Variants in EGF observed in about 807,000 individuals in gnomAD.
EGF encodes the protein pro-epidermal growth factor.
Under a neutral mutation model 143.8 loss-of-function variants are expected in EGF, and 95 were observed. The ratio of observed to expected loss-of-function variants is 0.66; its 90% CI spans 0.56 to 0.78. EGF has a LOEUF of 0.78. Ranked by LOEUF, EGF falls within the 30% of genes least tolerant of loss-of-function variation. The pLI is 0.00. For synonymous variants in EGF, 510 were observed against 510.5 expected, an observed-to-expected ratio of 1.00 and a Z score of 0.01; for missense variants, 1,320 against 1,470.9, an observed-to-expected ratio of 0.90 and a Z score of 1.68.
rs149835886 is a variant in EGF at position 109,913,258 on chromosome 4, A to G, written c.-78A>G. 137 of 1,593,266 alleles carry G rather than the reference A, an allele frequency of 8.6e-5. 1 individual carries two copies. In the East Asian group the frequency reaches 3.1e-3, roughly 36 times the overall value. The stretch of plus-strand genomic sequence containing the variant: ...CGCTCAGGCAGCCGCATCTGGGGTC[A>G]ATCATACTCACCTTGCCCGGGCCAT... On this transcript the variant is annotated 5_prime_UTR_variant, in exon 1 of 24. Coordinates refer to ENST00000265171, the MANE Select transcript of EGF (RefSeq NM_001963.6).
intron 22 of EGF, among the ~76,000 whole-genome samples, chr4:110,005,198 G>A (rs960666361): frequency 6.6e-6 from 1 of 150,842 alleles, no homozygotes; most frequent in Non-Finnish European, 1.5e-5. Flanking sequence ...GGCACACACC[G>A]CCACGCCCAG....
chr4:109,995,646 A>G (rs1560756740), intron 20 of EGF, among the ~76,000 whole-genome samples: 2 of 152,238 alleles, frequency 1.3e-5, no homozygotes, highest in Non-Finnish European at 2.9e-5. Context: ...TCAAGGCAAT[A>G]GGAGGAAACT....
chr4:110,003,910 G>C (rs1248073596), intron 21 of EGF, among the ~76,000 whole-genome samples: 1 of 152,128 alleles, frequency 6.6e-6, no homozygotes, highest in Non-Finnish European at 1.5e-5. Context: ...AGTAAGAGCA[G>C]CCTAGGCTTT....
At chr4:109,999,235 T>C (rs1412246198) in intron 20 of EGF, among the ~76,000 whole-genome samples, 1 of 152,224 alleles carries the variant, frequency 6.6e-6, no homozygotes, top group Non-Finnish European at 1.5e-5. Flanking sequence ...TCTTCTTTTA[T>C]AGCCTGGTTT....
intron 8 of EGF, 41 bp from the exon 9 acceptor site, chr4:109,963,132 T>C (rs1264023060): frequency 1.2e-6 from 2 of 1,611,654 alleles, no homozygotes; most frequent in South Asian, 2.2e-5. Context: ...TAATTATATT[T>C]TGGATGACGT....
intron 21 of EGF, among the ~76,000 whole-genome samples, chr4:110,003,829 C>T (rs1252615800): frequency 4.6e-5 from 7 of 151,870 alleles, no homozygotes; most frequent in Non-Finnish European, 1.0e-4. Flanking sequence ...ATGAGATTTT[C>T]TTATCTTGGG....
At chr4:109,929,242 T>C (rs1560638255) in intron 1 of EGF, among the ~76,000 whole-genome samples, 1 of 152,160 alleles carries the variant, frequency 6.6e-6, no homozygotes, top group African/African-American at 2.4e-5. Context: ...AAGGCATAGC[T>C]TTGTACCCCT....
intron 1 of EGF, chr4:109,940,722 A>G: frequency 1.9e-6 from 1 of 520,314 alleles, no homozygotes; most frequent in Admixed American, 3.3e-5. Context: ...TTCATAATTT[A>G]CCAATGTTCA....
chr4:109,966,085 A>C (rs1292636309), intron 10 of EGF, among the ~76,000 whole-genome samples: 1 of 151,956 alleles, frequency 6.6e-6, no homozygotes, highest in East Asian at 1.9e-4. Context: ...TAGGGGTACA[A>C]GTACAGTTGT....
chr4:109,945,299 A>G (rs771238363), intron 5 of EGF, 24 bp downstream of exon 5: 3 of 1,605,024 alleles, frequency 1.9e-6, no homozygotes, highest in Admixed American at 1.7e-5. Context: ...GACCTTGCGC[A>G]GGGCCTGACA....
intron 10 of EGF, among the ~76,000 whole-genome samples, chr4:109,968,260 T>C (rs1035317658): frequency 2.0e-5 from 3 of 152,124 alleles, no homozygotes; most frequent in African/African-American, 7.2e-5. Flanking sequence ...CTTTAGCAAA[T>C]ACCTAGTCTA....
intron 1 of EGF, among the ~76,000 whole-genome samples, chr4:109,916,146 G>T (rs945008145): frequency 4.6e-5 from 7 of 152,112 alleles, no homozygotes; most frequent in African/African-American, 7.2e-5. Context: ...GGGATCCTGG[G>T]GTGGCACTAA....
Position 110,004,552 on chromosome 4 carries a change from C to T in EGF, c.3221C>T (p.Ser1074Leu), listed in dbSNP as rs555315528. The part of the protein sequence containing the change: ...SKNPKNPYEE[S>L]SRDVRSRRPA... ...AACCCAAAGAATCCTTATGAGGAGT[C>T]GAGCAGAGATGTGAGGAGTCGCAGG... The change falls in exon 22 of 24, where the codon TCG (serine) becomes TTG (leucine). Residue 1074 changes from serine to leucine, a missense_variant. This residue lies in a region of EGF where 1,186 missense variants were observed against 1,313.7 expected (regional missense o/e 0.90). Transcript: ENST00000265171. The T allele has an allele frequency of 2.9e-5, 47 of 1,614,030 alleles. No homozygotes were observed. Among genetic ancestry groups the T allele is most frequent in the East Asian group, 1.6e-4 (7 of 44,890 alleles).
At chr4:109,960,425 A>G (rs1381423172) in intron 6 of EGF, among the ~76,000 whole-genome samples, 2 of 152,210 alleles carry the variant, frequency 1.3e-5, no homozygotes, top group Non-Finnish European at 2.9e-5. Context: ...CGGGCAGATC[A>G]CTTGAGTCCC....
chr4:109,975,743 A>G (rs751003397), intron 12 of EGF, among the ~76,000 whole-genome samples: 1 of 152,218 alleles, frequency 6.6e-6, no homozygotes, highest in Non-Finnish European at 1.5e-5. Context: ...TTAGTCATAT[A>G]TTGCAATTTT....
At chr4:109,915,497 G>A (rs1202155614) in intron 1 of EGF, among the ~76,000 whole-genome samples, 1 of 152,200 alleles carries the variant, frequency 6.6e-6, no homozygotes, top group African/African-American at 2.4e-5. Flanking sequence ...AGTGTGGAAT[G>A]TGTGGATGGC....
chr4:109,914,042 T>C (rs368398904), intron 1 of EGF, among the ~76,000 whole-genome samples: 2 of 152,314 alleles, frequency 1.3e-5, no homozygotes, highest in South Asian at 4.1e-4. Context: ...AACAGGTGCA[T>C]TGCAACTTTA....
At chr4:109,942,737 A>C (rs1742134690) in intron 2 of EGF, among the ~76,000 whole-genome samples, 1 of 152,202 alleles carries the variant, frequency 6.6e-6, no homozygotes, top group Admixed American at 6.5e-5. Flanking sequence ...GTGTGACGGC[A>C]TGAAGGACTA....
chr4:110,000,944 T>TA (rs1266464629), intron 21 of EGF, among the ~76,000 whole-genome samples: 1 of 152,188 alleles, frequency 6.6e-6, no homozygotes, highest in African/African-American at 2.4e-5. Flanking sequence ...CATCTGTAGA[T>TA]AAAAATTTAA....
Sources: allele counts gnomAD v4.1 joint callset (sites outside exome capture counted in the v4.1 genomes callset), GRCh38; gene constraint gnomAD v4.1.1; regional missense constraint gnomAD v4.1.1; transcripts MANE v1.5; gene names NCBI Gene and HGNC (gene_info 2026-07-23, HGNC 2026-07-21).